The following ZNF543 variants were observed in gnomAD, a reference collection of about 807,000 sequenced individuals.
ZNF543 encodes zinc finger protein 543.
In ZNF543, 10 loss-of-function variants were observed where a neutral mutation model predicts 13.4. The ratio of observed to expected loss-of-function variants is 0.75; its 90% CI spans 0.46 to 1.26. ZNF543 has a LOEUF of 1.26. Among genes scored for constraint, ZNF543 ranks in the 50% most tolerant of loss-of-function variants. ZNF543 has a pLI of 0.00. For synonymous variants in ZNF543, 272 were observed against 264.7 expected (o/e 1.03, Z -0.27); for missense variants, 768 against 741.2 (o/e 1.04, Z -0.42).
chr19:57,324,235 C>G (rs1401205996), intron 2 of ZNF543, among the ~76,000 whole-genome samples: 1 of 151,832 alleles, frequency 6.6e-6, no homozygotes, highest in Non-Finnish European at 1.5e-5. Flanking sequence ...CCTGTAATCC[C>G]AGCTACTCAG....
At position 57,329,513 on chromosome 19, in the gene ZNF543, TA is replaced by T. The variant is rs138844194; in HGVS notation, c.*249del. 1.8e-3 allele frequency: 698 copies of T among 394,192 alleles called. No homozygotes were observed. The highest frequency in any genetic ancestry group is 7.0e-3 in the African/African-American group (317 of 45,016). 24.4% of individuals were successfully genotyped at this position (394,192 alleles called of 1,614,324 possible). A position where few individuals can be genotyped will look rare whatever the true frequency, so the allele number is the denominator to read the frequency against. ...TTACAGTGAAATATTATCTCAGGGA[TA>T]TTTTTTTTTTTTTTTTGAGACGGAG... On this transcript the variant is annotated 3_prime_UTR_variant, in exon 4 of 4. Coordinates refer to ENST00000321545, the MANE Select transcript of ZNF543 (RefSeq NM_213598.4).
Position 57,329,079 on chromosome 19 carries a change from G to C in ZNF543, c.1617G>C (p.Glu539Asp), listed in dbSNP as rs769697131. The C allele has an allele frequency of 6.2e-7, 1 of 1,614,200 alleles. No homozygotes were observed. The highest frequency in any genetic ancestry group is 8.5e-7 in the Non-Finnish European group (1 of 1,180,042). ...GAGAGAAGCCGTATGAATGCAGTGA[G>C]TGTGGAAAGGCTTTTAATCGCGGCT... ...HTGEKPYECS[E>D]CGKAFNRGSS... The change falls in exon 4 of 4, where the codon GAG becomes GAC. Residue 539 changes from glutamate (E) to aspartate (D), a missense_variant. Transcript: ENST00000321545.
Position 57,328,671 on chromosome 19 carries a change from G to A in ZNF543, c.1209G>A (p.Ala403=), listed in dbSNP as rs749586798. The A allele has an allele frequency of 1.3e-5, 21 of 1,612,012 alleles. No individual in the cohort carries two copies. The East Asian group carries it at 2.0e-4, about 15-fold the overall frequency. ...ATAAGTGCATGGAGTGTGGGAAGGCGTTCAACCGTAGGTCACACCTCAAGC... is the reference window on the plus strand; with the variant it reads ...ATAAGTGCATGGAGTGTGGGAAGGCATTCAACCGTAGGTCACACCTCAAGC... ...KPYKCMECGK[A]FNRRSHLKQH... is the part of the protein sequence containing the mutation. Residue 403 remains alanine (A), a synonymous_variant, in exon 4 of 4, where the codon GCG becomes GCA. Transcript: ENST00000321545.
In ZNF543 at chr19:57,328,803, A is replaced by C. The variant is rs138445961; in HGVS notation, c.1341A>C (p.Gly447=). 82 of 1,613,964 alleles carry C rather than the reference A, an allele frequency of 5.1e-5. No individual in the cohort carries two copies. The African/African-American group carries it at 9.8e-4, about 19-fold the overall frequency. ...TCTTGCATAAAAGGACCCACACAGG[A>C]GAAAAACCCTATGAATGCAAAGAAT... The part of the protein sequence containing the change: ...TFVLHKRTHT[G]EKPYECKECG... Residue 447 remains glycine (G), a synonymous_variant, in exon 4 of 4, where the codon GGA becomes GGC. Coordinates refer to ENST00000321545, the MANE Select transcript of ZNF543 (RefSeq NM_213598.4).
At position 57,328,646 on chromosome 19, in the gene ZNF543, A is replaced by G. The variant is rs762591118; in HGVS notation, c.1184A>G (p.Tyr395Cys). 10 of 1,614,038 alleles carry G rather than the reference A, an allele frequency of 6.2e-6. No homozygotes were observed. The highest frequency in any genetic ancestry group is 1.6e-4 in the Middle Eastern group (1 of 6,062). Reference sequence around the variant, plus strand: ...ATTATCCACACTGGGGAGAAGCCCTATAAGTGCATGGAGTGTGGGAAGGCG... The same window carrying G: ...ATTATCCACACTGGGGAGAAGCCCTGTAAGTGCATGGAGTGTGGGAAGGCG... The part of the protein sequence containing the change: ...HYIIHTGEKP[Y>C]KCMECGKAFN... Residue 395 changes from tyrosine (Y) to cysteine (C), a missense_variant, in exon 4 of 4, where the codon TAT becomes TGT. Coordinates refer to ENST00000321545, the MANE Select transcript of ZNF543 (RefSeq NM_213598.4).
chr19:57,326,858 T>TCC (rs1600053720), intron 3 of ZNF543, 130 bp downstream of exon 3: 31 of 513,914 alleles, frequency 6.0e-5, no homozygotes, highest in East Asian at 1.7e-4. Context: ...ATGGAGCCTC[T>TCC]CCCCGCCCGC....
intron 1 of ZNF543, among the ~76,000 whole-genome samples, chr19:57,321,467 C>T (rs751519602): frequency 4.6e-5 from 7 of 152,138 alleles, no homozygotes; most frequent in Non-Finnish European, 1.0e-4. Context: ...AGAAGCTTGC[C>T]GTTTGAGTTG....
intron 1 of ZNF543, among the ~76,000 whole-genome samples, chr19:57,322,288 CA>C: frequency 7.0e-6 from 1 of 142,418 alleles, no homozygotes; most frequent in Non-Finnish European, 1.6e-5. Flanking sequence ...ACTTTTGAGG[CA>C]GGTGCCACCA....
rs1177946462 is a variant in ZNF543 at position 57,323,903 on chromosome 19, G to A, written c.145+95G>A. On this transcript the variant is annotated intron_variant, in intron 2 of 3. Transcript: ENST00000321545. ...ACAGCCCACTTGTTCTGAGGCTCCTGGCACCACGCAGGGGTGTTCACCATT... is the reference window on the plus strand; with the variant it reads ...ACAGCCCACTTGTTCTGAGGCTCCTAGCACCACGCAGGGGTGTTCACCATT... The A allele has an allele frequency of 2.5e-5, 38 of 1,500,280 alleles. No homozygotes were observed. In the Admixed American group the frequency reaches 7.0e-4, roughly 28 times the overall value. 92.9% of individuals were successfully genotyped at this position (1,500,280 alleles called of 1,614,324 possible).
Position 57,328,046 on chromosome 19 carries a change from A to C in ZNF543, c.584A>C (p.Glu195Ala). 1 of 1,614,268 alleles carries C rather than the reference A, an allele frequency of 6.2e-7. No homozygotes were observed. The highest frequency in any genetic ancestry group is 8.5e-7 in the Non-Finnish European group (1 of 1,180,060). Residue 195 changes from glutamate to alanine, a missense_variant, in exon 4 of 4, where the codon GAG becomes GCG. Transcript: ENST00000321545. ...GPVTDALIRE[E>A]KNSYKCEECG... The stretch of plus-strand genomic sequence containing the variant: ...GTTACAGATGCCTTGATTCGCGAAG[A>C]GAAAAATTCCTATAAATGTGAGGAA...
At chr19:57,325,847 T>G (rs2088117422) in intron 2 of ZNF543, among the ~76,000 whole-genome samples, 1 of 152,170 alleles carries the variant, frequency 6.6e-6, no homozygotes, top group Non-Finnish European at 1.5e-5. Context: ...GGTAAGGTTT[T>G]TAGGCAGGTT....
chr19:57,321,433 G>A (rs542388871), intron 1 of ZNF543, among the ~76,000 whole-genome samples: 15 of 152,320 alleles, frequency 9.8e-5, no homozygotes, highest in Admixed American at 3.3e-4. Context: ...TGGCATTTTT[G>A]TATAGAGAAT....
At chr19:57,325,647 T>G (rs10415214) in intron 2 of ZNF543, among the ~76,000 whole-genome samples, 111,438 of 151,932 alleles carry the variant, frequency 0.73, 41,024 homozygotes, top group African/African-American at 0.76. Flanking sequence ...CACCTTCCAG[T>G]CTCAAGTGAT....
Position 57,320,849 on chromosome 19 carries a change from T to A in ZNF543, c.-5T>A. 6.2e-7 allele frequency: 1 copy of A among 1,613,954 alleles called. No individual in the cohort carries two copies. Among genetic ancestry groups the A allele is most frequent in the Non-Finnish European group, 8.5e-7 (1 of 1,179,950 alleles). Reference sequence around the variant, plus strand: ...CGGGCCCCGCTAGGGCTGCAGGGTCTCAGGATGGCAGCCTCGGCGCAGGTG... The same window carrying A: ...CGGGCCCCGCTAGGGCTGCAGGGTCACAGGATGGCAGCCTCGGCGCAGGTG... On this transcript the variant is annotated 5_prime_UTR_variant, in exon 1 of 4. Transcript: ENST00000321545.
Position 57,328,807 on chromosome 19 carries a change from A to G in ZNF543, c.1345A>G (p.Lys449Glu). The change falls in exon 4 of 4, where the codon AAA (lysine) becomes GAA (glutamate). Residue 449 changes from lysine (K) to glutamate (E), a missense_variant. Physicochemically the swap from Lys to Glu is moderately conservative, Grantham distance 56. Around this residue, in one of 3 missense-constraint regions of ZNF543, gnomAD observed 677 missense variants for 631.4 expected, o/e 1.07. Coordinates refer to ENST00000321545, the MANE Select transcript of ZNF543 (RefSeq NM_213598.4). ...VLHKRTHTGE[K>E]PYECKECGKA... ...GCATAAAAGGACCCACACAGGAGAA[A>G]AACCCTATGAATGCAAAGAATGTGG... is the stretch of plus-strand genomic sequence containing the variant. 1 of 1,614,100 alleles carries G rather than the reference A, an allele frequency of 6.2e-7. No individual in the cohort carries two copies. The highest frequency in any genetic ancestry group is 8.5e-7 in the Non-Finnish European group (1 of 1,180,014).
Position 57,327,923 on chromosome 19 carries a change from G to A in ZNF543, c.461G>A (p.Arg154His), listed in dbSNP as rs202039911. ...GKLLEKMSSE[R>H]DGLGSDDGVC... ...CTGCTGGAGAAAATGAGTTCTGAAC[G>A]TGATGGTTTGGGGTCAGATGATGGT... Residue 154 changes from arginine (R) to histidine (H), a missense_variant, in exon 4 of 4, where the codon CGT becomes CAT. Transcript: ENST00000321545. The A allele has an allele frequency of 6.7e-4, 1,083 of 1,614,190 alleles. 2 individuals carry two copies. Among genetic ancestry groups the A allele is most frequent in the South Asian group, 3.5e-3 (315 of 91,088 alleles).
intron 2 of ZNF543, among the ~76,000 whole-genome samples, chr19:57,325,399 C>T (rs145710174): frequency 6.6e-6 from 1 of 152,248 alleles, no homozygotes; most frequent in African/African-American, 2.4e-5. Flanking sequence ...GTCTTTTACC[C>T]CCTTATATTT....
chr19:57,328,825 G>A lies in ZNF543; in HGVS notation c.1363G>A (p.Glu455Lys). ...HTGEKPYECK[E>K]CGKAFSDRAD... ...AGGAGAAAAACCCTATGAATGCAAA[G>A]AATGTGGAAAAGCCTTTAGTGATAG... The change falls in exon 4 of 4, where the codon GAA (glutamate) becomes AAA (lysine). Residue 455 changes from glutamate to lysine, a missense_variant. By Grantham distance (56) the Glu-to-Lys change is moderately conservative. Around this residue, in one of 3 missense-constraint regions of ZNF543, gnomAD observed 677 missense variants for 631.4 expected, o/e 1.07. Transcript: ENST00000321545. The A allele has an allele frequency of 1.2e-6, 2 of 1,614,070 alleles. No homozygotes were observed. The highest frequency in any genetic ancestry group is 2.2e-5 in the South Asian group (2 of 91,072).
At position 57,320,841 on chromosome 19, in the gene ZNF543, G is replaced by T. The variant is rs200574542; in HGVS notation, c.-13G>T. 3.1e-6 allele frequency: 5 copies of T among 1,613,820 alleles called. No individual in the cohort carries two copies. The African/African-American group carries it at 6.7e-5, about 22-fold the overall frequency. ...GGCATTCCCGGGCCCCGCTAGGGCTGCAGGGTCTCAGGATGGCAGCCTCGG... is the reference window on the plus strand; with the variant it reads ...GGCATTCCCGGGCCCCGCTAGGGCTTCAGGGTCTCAGGATGGCAGCCTCGG... On this transcript the variant is annotated 5_prime_UTR_variant, in exon 1 of 4. Coordinates refer to ENST00000321545, the MANE Select transcript of ZNF543 (RefSeq NM_213598.4).
Sources: gnomAD v4.1 joint callset for allele counts (sites outside exome capture counted in the v4.1 genomes callset) on GRCh38, gnomAD v4.1.1 for gene constraint, gnomAD v4.1.1 regional missense constraint, MANE v1.5 for transcripts, NCBI Gene and HGNC (gene_info 2026-07-23, HGNC 2026-07-21) for gene names.